The following KCNK1 variants were observed in gnomAD, a reference collection of about 807,000 sequenced individuals.
KCNK1 encodes potassium two pore domain channel subfamily K member 1, also known as potassium channel subfamily K member 1.
A neutral mutation model predicts 22.2 loss-of-function variants in KCNK1; 10 were observed. That is an observed-to-expected ratio of 0.45 (90% CI 0.28 to 0.76). The LOEUF (loss-of-function observed/expected upper bound fraction) is 0.76. KCNK1 is among the 30% of genes least tolerant of loss of function. The pLI is 0.14. For synonymous variants in KCNK1, 200 were observed against 186.4 expected (o/e 1.07, Z -0.60); for missense variants, 378 against 421.0 (o/e 0.90, Z 0.89).
At chr1:233,636,030 A>G (rs1177017912) in intron 1 of KCNK1, among the ~76,000 whole-genome samples, 1 of 152,186 alleles carries the variant, frequency 6.6e-6, no homozygotes, top group African/African-American at 2.4e-5. Flanking sequence ...GCCACGTGCA[A>G]AGGCCCTGAG....
chr1:233,652,008 G>A (rs1424594466), intron 1 of KCNK1, among the ~76,000 whole-genome samples: 1 of 152,224 alleles, frequency 6.6e-6, no homozygotes. Context: ...CAAAGGTGAT[G>A]AGGCAACAAA....
intron 1 of KCNK1, chr1:233,650,121 T>C (rs1658173704): frequency 2.0e-6 from 1 of 495,482 alleles, no homozygotes; most frequent in Non-Finnish European, 4.1e-6. Context: ...GACCTACAGT[T>C]CTCACCAACC....
intron 1 of KCNK1, among the ~76,000 whole-genome samples, chr1:233,620,026 T>C (rs1292481927): frequency 6.6e-6 from 1 of 151,860 alleles, no homozygotes; most frequent in Non-Finnish European, 1.5e-5. Flanking sequence ...CTGCCTGAGC[T>C]AAGAATGGCT....
At chr1:233,621,799 T>C (rs676005) in intron 1 of KCNK1, among the ~76,000 whole-genome samples, 8,006 of 152,260 alleles carry the variant, frequency 0.053, 246 homozygotes, top group Non-Finnish European at 0.079. Flanking sequence ...ACTGCTACTA[T>C]TATCAATAAC....
At chr1:233,652,067 A>G (rs1006483765) in intron 1 of KCNK1, among the ~76,000 whole-genome samples, 2 of 152,202 alleles carry the variant, frequency 1.3e-5, no homozygotes, top group Non-Finnish European at 2.9e-5. Flanking sequence ...ACCATGAGTT[A>G]AAAGCAAACA....
chr1:233,623,801 A>T (rs1558108115), intron 1 of KCNK1, among the ~76,000 whole-genome samples: 1 of 152,172 alleles, frequency 6.6e-6, no homozygotes, highest in Non-Finnish European at 1.5e-5. Context: ...GTTGGTTGCC[A>T]TGCTGGTCTT....
chr1:233,638,803 T>G (rs903160365), intron 1 of KCNK1, among the ~76,000 whole-genome samples: 1 of 152,054 alleles, frequency 6.6e-6, no homozygotes, highest in African/African-American at 2.4e-5. Context: ...TGCCAGAGAG[T>G]AATATTTTTG....
At chr1:233,651,156 T>C (rs1452058355) in intron 1 of KCNK1, among the ~76,000 whole-genome samples, 1 of 152,202 alleles carries the variant, frequency 6.6e-6, no homozygotes, top group Non-Finnish European at 1.5e-5. Flanking sequence ...TTTGCCCCCA[T>C]TACCTCTGCA....
chr1:233,621,436 A>C (rs1038101975), intron 1 of KCNK1, among the ~76,000 whole-genome samples: 1 of 152,234 alleles, frequency 6.6e-6, no homozygotes, highest in African/African-American at 2.4e-5. Flanking sequence ...AACCCATACA[A>C]ATAGTGGAGG....
chr1:233,670,107 T>A (rs1658571820), intron 2 of KCNK1, among the ~76,000 whole-genome samples: 1 of 152,210 alleles, frequency 6.6e-6, no homozygotes, highest in Non-Finnish European at 1.5e-5. Flanking sequence ...ACATTTCTGT[T>A]CCTTTTTATG....
intron 1 of KCNK1, among the ~76,000 whole-genome samples, chr1:233,656,258 GT>G (rs1241866225): frequency 1.3e-5 from 2 of 152,174 alleles, no homozygotes; most frequent in African/African-American, 4.8e-5. Context: ...CAAAGAGAAG[GT>G]TAGAGGTTTT....
chr1:233,623,038 T>C (rs73105504), intron 1 of KCNK1, among the ~76,000 whole-genome samples: 47 of 152,274 alleles, frequency 3.1e-4, no homozygotes, highest in African/African-American at 1.1e-3. Flanking sequence ...GGTGAAATCA[T>C]GGCTGATGCA....
chr1:233,669,473 G>C (rs750542845), intron 2 of KCNK1, among the ~76,000 whole-genome samples: 3 of 152,184 alleles, frequency 2.0e-5, no homozygotes, highest in African/African-American at 7.2e-5. Context: ...AGATATATTA[G>C]ATGTGGGCAG....
chr1:233,615,597 CT>C (rs1657475130), intron 1 of KCNK1, among the ~76,000 whole-genome samples: 1 of 152,196 alleles, frequency 6.6e-6, no homozygotes, highest in South Asian at 2.1e-4. Context: ...AGGTCACACA[CT>C]TCCTAGTTAC....
intron 1 of KCNK1, among the ~76,000 whole-genome samples, chr1:233,642,277 C>A (rs913927777): frequency 6.6e-6 from 1 of 152,134 alleles, no homozygotes; most frequent in African/African-American, 2.4e-5. Flanking sequence ...AACAAAGATT[C>A]CCCCAAACCA....
chr1:233,641,882 G>T (rs930117958), intron 1 of KCNK1, among the ~76,000 whole-genome samples: 1 of 152,216 alleles, frequency 6.6e-6, no homozygotes, highest in Non-Finnish European at 1.5e-5. Flanking sequence ...GATTTTGAGT[G>T]TCTGCAGGGA....
At chr1:233,615,471 G>A (rs770711317) in intron 1 of KCNK1, among the ~76,000 whole-genome samples, 2 of 152,240 alleles carry the variant, frequency 1.3e-5, no homozygotes, top group Non-Finnish European at 2.9e-5. Context: ...CATACCCAGA[G>A]TGGAGATATC....
At chr1:233,649,961 T>C (rs1262866148) in intron 1 of KCNK1, 3 of 533,340 alleles carry the variant, frequency 5.6e-6, no homozygotes, top group Admixed American at 1.9e-5. Context: ...TTTTATCTCC[T>C]GATTTGGTTA....
chr1:233,629,797 A>G (rs1413279258), intron 1 of KCNK1: 1 of 152,270 alleles, frequency 6.6e-6, no homozygotes, highest in African/African-American at 2.4e-5. Flanking sequence ...TGTCATGGAC[A>G]GCTCCTAGGT....
Sources: allele counts gnomAD v4.1 joint callset (sites outside exome capture counted in the v4.1 genomes callset), GRCh38; gene constraint gnomAD v4.1.1; transcripts MANE v1.5; gene names NCBI Gene and HGNC (gene_info 2026-07-23, HGNC 2026-07-21).